UGGT1: variants seen among roughly 807,000 people sequenced by gnomAD.
The protein encoded by UGGT1 is UDP-glucose:glycoprotein glucosyltransferase 1.
UGGT1 carries 107 observed loss-of-function variants against 203.9 expected under a neutral mutation model. That is an observed-to-expected ratio of 0.52 (90% CI 0.45 to 0.62). The LOEUF (loss-of-function observed/expected upper bound fraction) is 0.62. UGGT1 is among the 20% of genes least tolerant of loss of function. The pLI, the probability that UGGT1 is intolerant of heterozygous loss-of-function variation, is 0.00. For missense variants in UGGT1, 1,673 were observed against 1,867.2 expected (o/e 0.90, Z 1.92); for synonymous variants, 628 against 653.5 (o/e 0.96, Z 0.59).
rs76049511 is a variant in UGGT1, at chr2:128,165,721, A to G, written c.2921+896A>G. 4.1e-3 allele frequency among the ~76,000 whole-genome samples: 626 copies of G among 152,178 alleles called. 6 individuals are homozygous for G. Among genetic ancestry groups the G allele is most frequent in the African/African-American group, 0.013 (548 of 41,526 alleles). On this transcript the variant is annotated intron_variant, in intron 26 of 40. Coordinates refer to ENST00000259253, the MANE Select transcript of UGGT1 (RefSeq NM_020120.4). ...CAAAATCATAATAATAGTAAGATAA[A>G]CAGATTATTAAAGTACTTGTCTCAT...
intron 31 of UGGT1, among the ~76,000 whole-genome samples, chr2:128,175,061 A>AGT (rs1286097471): frequency 2.6e-5 from 4 of 152,266 alleles, no homozygotes; most frequent in Non-Finnish European, 5.9e-5. Context: ...GATGCTAATG[A>AGT]GTATAGTCAG....
chr2:128,175,622 A>G (rs1177892507), intron 31 of UGGT1, among the ~76,000 whole-genome samples: 2 of 152,252 alleles, frequency 1.3e-5, no homozygotes, highest in Non-Finnish European at 2.9e-5. Context: ...ATTCTGTATT[A>G]TAATAACACC....
chr2:128,119,852 A>G (rs1396052621), intron 8 of UGGT1, among the ~76,000 whole-genome samples: 2 of 151,430 alleles, frequency 1.3e-5, no homozygotes, highest in Admixed American at 1.3e-4. Flanking sequence ...TTTTTACTTT[A>G]AGAACAAAGG....
At chr2:128,166,239 C>T (rs529474246) in intron 26 of UGGT1, among the ~76,000 whole-genome samples, 7 of 152,232 alleles carry the variant, frequency 4.6e-5, no homozygotes, top group South Asian at 2.1e-4. Flanking sequence ...ATGTTGTGTG[C>T]GTGTGTCTGC....
chr2:128,159,821 T>G, intron 23 of UGGT1, 101 bp downstream of exon 23: 1 of 1,266,366 alleles, frequency 7.9e-7, no homozygotes, highest in Non-Finnish European at 1.1e-6. Flanking sequence ...ATTTGTCATT[T>G]TAGTCCTGAG....
rs772770875 is a variant in UGGT1, at chr2:128,180,957, G to T, written c.3968G>T (p.Arg1323Leu). 1 of 1,613,988 alleles carries T rather than the reference G, an allele frequency of 6.2e-7. No homozygotes were observed. Among genetic ancestry groups the T allele is most frequent in the Non-Finnish European group, 8.5e-7 (1 of 1,180,016 alleles). ...GAGCTTGTTCAGTACAAATGGCCCC[G>T]GTGGCTTCATCAACAAACTGAAAAA... ...QYELVQYKWP[R>L]WLHQQTEKQR... The change falls in exon 36 of 41, where the codon CGG (arginine) becomes CTG (leucine). Residue 1323 changes from arginine to leucine, a missense_variant. Arg to Leu is a moderately radical substitution (Grantham distance 102). Transcript: ENST00000259253.
intron 2 of UGGT1, among the ~76,000 whole-genome samples, chr2:128,102,810 T>C (rs1185606403): frequency 6.6e-6 from 1 of 152,216 alleles, no homozygotes; most frequent in Non-Finnish European, 1.5e-5. Flanking sequence ...TCTGCTTATC[T>C]TGTGAATGTG....
chr2:128,130,031 C>T (rs984434408), intron 13 of UGGT1, among the ~76,000 whole-genome samples: 5 of 151,770 alleles, frequency 3.3e-5, no homozygotes, highest in South Asian at 2.1e-4. Flanking sequence ...GAGGCCAAGG[C>T]GGGTGGATCA....
Position 128,174,787 on chromosome 2 carries a change from G to A in UGGT1, c.3468G>A (p.Leu1156=), listed in dbSNP as rs756705181. ...IVMANLGYFQ[L]KANPGAWILR... is the part of the protein sequence containing the mutation. ...TCTTGTCCTAGGGCTACTTTCAGCT[G>A]AAAGCCAACCCAGGAGCTTGGATCC... Residue 1156 remains leucine, a synonymous_variant, in exon 31 of 41, where the codon CTG becomes CTA. Coordinates refer to ENST00000259253, the MANE Select transcript of UGGT1 (RefSeq NM_020120.4). The A allele has an allele frequency of 1.9e-6, 3 of 1,613,754 alleles. No homozygotes were observed. The South Asian group carries it at 3.3e-5, about 18-fold the overall frequency.
chr2:128,173,935 A>G lies in UGGT1; in HGVS notation c.3449A>G (p.Asn1150Ser). ...ATTGTGGACACCATTGTTATGGCCA[A>G]TCTGGTAAATAATCTGTTCATCAGA... ...PVIVDTIVMA[N>S]LGYFQLKANP... The change falls in exon 30 of 41, where the codon AAT becomes AGT. Residue 1150 changes from asparagine (N) to serine (S), a missense_variant. Asn to Ser is a conservative substitution (Grantham distance 46). Coordinates refer to ENST00000259253, the MANE Select transcript of UGGT1 (RefSeq NM_020120.4). 3 of 1,614,048 alleles carry G rather than the reference A, an allele frequency of 1.9e-6. No homozygotes were observed. Among genetic ancestry groups the G allele is most frequent in the Non-Finnish European group, 2.5e-6 (3 of 1,179,988 alleles).
chr2:128,186,893 A>G (rs1277786185), intron 39 of UGGT1, 94 bp downstream of exon 39: 1 of 956,054 alleles, frequency 1.0e-6, no homozygotes, highest in African/African-American at 1.7e-5. Context: ...TAAATTTAAG[A>G]ATTTCCTAGA....
At chr2:128,187,021 A>AT (rs573611145) in intron 39 of UGGT1, among the ~76,000 whole-genome samples, 23 of 152,280 alleles carry the variant, frequency 1.5e-4, no homozygotes, top group Non-Finnish European at 2.6e-4. Context: ...TATAGTAAGC[A>AT]TAAGTATATA....
intron 17 of UGGT1, among the ~76,000 whole-genome samples, chr2:128,144,757 G>A (rs1268155396): frequency 6.6e-6 from 1 of 152,210 alleles, no homozygotes; most frequent in Non-Finnish European, 1.5e-5. Context: ...TGATTAGAAA[G>A]TAAGCAGTCT....
intron 31 of UGGT1, 50 bp downstream of exon 31, chr2:128,174,908 C>G: frequency 6.6e-7 from 1 of 1,513,610 alleles, no homozygotes; most frequent in Non-Finnish European, 9.1e-7. Flanking sequence ...TAGAAATGAG[C>G]ATTAGCTCTA....
In UGGT1 at chr2:128,130,260, C is replaced by CA. The variant is rs59253377; in HGVS notation, c.1377+1098dup. ...TGGGTGACAGAGCAAGACTCCGTCA[C>CA]AAAAAAAAAAAAAAAAATAGAGAAT... On this transcript the variant is annotated intron_variant, in intron 13 of 40. Transcript: ENST00000259253. Among the ~76,000 whole-genome samples the CA allele has an allele frequency of 5.5e-3, 495 of 89,534 alleles. 4 individuals carry two copies. Among genetic ancestry groups the CA allele is most frequent in the Middle Eastern group, 0.012 (2 of 164 alleles). 58.7% of individuals were successfully genotyped at this position (89,534 alleles called of 152,430 possible).
chr2:128,138,921 C>A lies in UGGT1; in HGVS notation c.1719+69C>A. The A allele has an allele frequency of 2.5e-6, 4 of 1,588,084 alleles. No homozygotes were observed. In the South Asian group the frequency reaches 4.6e-5, roughly 18 times the overall value. On this transcript the variant is annotated intron_variant, in intron 16 of 40. Coordinates refer to ENST00000259253, the MANE Select transcript of UGGT1 (RefSeq NM_020120.4). ...CTTACTCTTAATAACAATGTGTGGT[C>A]ATTGTATGCTAGGCAGCTGGGGTGT...
chr2:128,154,448 A>T (rs996028025), intron 19 of UGGT1, among the ~76,000 whole-genome samples: 1 of 152,154 alleles, frequency 6.6e-6, no homozygotes, highest in African/African-American at 2.4e-5. Context: ...ATCAATTAGG[A>T]GGCTCTGGCA....
At chr2:128,158,354 G>A (rs1273836755) in intron 22 of UGGT1, among the ~76,000 whole-genome samples, 1 of 152,168 alleles carries the variant, frequency 6.6e-6, no homozygotes, top group Non-Finnish European at 1.5e-5. Flanking sequence ...GTTCCTGAAA[G>A]CCCTCCCACA....
At chr2:128,175,407 A>T (rs1012623300) in intron 31 of UGGT1, among the ~76,000 whole-genome samples, 1 of 152,162 alleles carries the variant, frequency 6.6e-6, no homozygotes, top group Non-Finnish European at 1.5e-5. Context: ...TGTTGCCTTT[A>T]AAAAAGTTTG....
Sources: allele counts gnomAD v4.1 joint callset (sites outside exome capture counted in the v4.1 genomes callset), GRCh38; gene constraint gnomAD v4.1.1; transcripts MANE v1.5; gene names NCBI Gene and HGNC (gene_info 2026-07-23, HGNC 2026-07-21).